INO80: variants seen among roughly 807,000 people sequenced by gnomAD.
INO80 encodes chromatin-remodeling ATPase INO80.
Under a neutral mutation model 203.4 loss-of-function variants are expected in INO80, and 20 were observed. The ratio of observed to expected loss-of-function variants is 0.10; its 90% CI spans 0.07 to 0.14. INO80 has a LOEUF of 0.14. Ranked by LOEUF, INO80 falls within the 10% of genes least tolerant of loss-of-function variation. The pLI, the probability that INO80 is intolerant of heterozygous loss-of-function variation, is 1.00. For synonymous variants in INO80, 726 were observed against 685.2 expected, an observed-to-expected ratio of 1.06 and a Z score of -0.93; for missense variants, 1,419 against 1,914.4, an observed-to-expected ratio of 0.74 and a Z score of 4.83.
At chr15:41,101,599 G>C (rs1327858746) in intron 1 of INO80, among the ~76,000 whole-genome samples, 1 of 151,030 alleles carries the variant, frequency 6.6e-6, no homozygotes, top group African/African-American at 2.4e-5. Context: ...ACCCAGGCTG[G>C]AGTGCAGTGG....
intron 24 of INO80, among the ~76,000 whole-genome samples, chr15:41,031,963 GACAGC>G (rs2044485081): frequency 1.8e-3 from 90 of 49,218 alleles, no homozygotes; most frequent in Middle Eastern, 0.01. Context: ...CACAGCACAG[GACAGC>G]ACAGCACAGC....
intron 4 of INO80, among the ~76,000 whole-genome samples, chr15:41,094,721 T>C (rs1390056625): frequency 6.6e-6 from 1 of 152,204 alleles, no homozygotes; most frequent in African/African-American, 2.4e-5. Flanking sequence ...TGATAAATTT[T>C]TGTACTTCCT....
intron 1 of INO80, among the ~76,000 whole-genome samples, chr15:41,102,711 A>G (rs1271487524): frequency 6.6e-6 from 1 of 152,154 alleles, no homozygotes; most frequent in Non-Finnish European, 1.5e-5. Flanking sequence ...TTGTAATAAA[A>G]AAGGAGAGTT....
chr15:41,101,219 C>A (rs1265659442), intron 1 of INO80, among the ~76,000 whole-genome samples: 3 of 152,106 alleles, frequency 2.0e-5, no homozygotes, highest in African/African-American at 7.2e-5. Context: ...GCTGCAATAA[C>A]CACTTTCATC....
chr15:41,022,874 G>A (rs2044315110), intron 25 of INO80, among the ~76,000 whole-genome samples: 1 of 152,094 alleles, frequency 6.6e-6, no homozygotes, highest in Non-Finnish European at 1.5e-5. Context: ...GGCTGAGGTG[G>A]CAGATCGCCT....
intron 4 of INO80, among the ~76,000 whole-genome samples, chr15:41,093,445 T>C (rs1422855853): frequency 2.0e-5 from 3 of 150,822 alleles, no homozygotes; most frequent in African/African-American, 7.3e-5. Flanking sequence ...AAAAAGAAAA[T>C]GGAGAGTGAC....
Position 41,074,570 on chromosome 15 carries a change from A to G in INO80, c.1132-5T>C. ...TTTTCGCTGTTGCCTCTTGGCCTAAAGAGGGAAAAAAGTGAAAACAGAGCC... is the reference window on the plus strand; with the variant it reads ...TTTTCGCTGTTGCCTCTTGGCCTAAGGAGGGAAAAAAGTGAAAACAGAGCC... On this transcript the variant is annotated splice_polypyrimidine_tract_variant and splice_region_variant and intron_variant, in intron 9 of 35. Coordinates refer to ENST00000648947, the MANE Select transcript of INO80 (RefSeq NM_017553.3). 1 of 1,593,594 alleles carries G rather than the reference A, an allele frequency of 6.3e-7. No individual in the cohort carries two copies. The highest frequency in any genetic ancestry group is 1.1e-5 in the South Asian group (1 of 87,938).
At chr15:41,088,279 G>A (rs1249148404) in intron 5 of INO80, among the ~76,000 whole-genome samples, 3 of 151,734 alleles carry the variant, frequency 2.0e-5, no homozygotes, top group Non-Finnish European at 4.4e-5. Context: ...TAGTAGACAC[G>A]AGGTTTCACC....
chr15:40,995,323 A>G (rs1335703903), intron 29 of INO80, among the ~76,000 whole-genome samples: 3 of 152,228 alleles, frequency 2.0e-5, no homozygotes, highest in Non-Finnish European at 4.4e-5. Flanking sequence ...ACCAGGTGGA[A>G]GAGGAGACTC....
At chr15:40,985,843 G>A (rs946854334) in intron 31 of INO80, among the ~76,000 whole-genome samples, 2 of 152,290 alleles carry the variant, frequency 1.3e-5, no homozygotes, top group South Asian at 2.1e-4. Context: ...AGGAAGTGGA[G>A]GTTGTGGTGA....
intron 5 of INO80, among the ~76,000 whole-genome samples, chr15:41,090,362 G>C (rs986218368): frequency 6.6e-6 from 1 of 152,088 alleles, no homozygotes; most frequent in Non-Finnish European, 1.5e-5. Context: ...GATCACCTGA[G>C]GTCAGGAGTT....
chr15:41,023,783 AC>A (rs68049373), intron 25 of INO80, among the ~76,000 whole-genome samples: 3,418 of 142,588 alleles, frequency 0.024, 439 homozygotes, highest in African/African-American at 0.069. Context: ...AAAAAAAAAA[AC>A]AAAACAAAAC....
intron 19 of INO80, among the ~76,000 whole-genome samples, chr15:41,051,358 C>T (rs577079260): frequency 2.0e-5 from 3 of 151,964 alleles, no homozygotes; most frequent in Non-Finnish European, 4.4e-5. Flanking sequence ...TGAAACCTAG[C>T]TCACATGTCA....
intron 28 of INO80, among the ~76,000 whole-genome samples, chr15:40,998,983 TACACACACACAC>T (rs10650860): frequency 1.1e-4 from 15 of 140,348 alleles, no homozygotes; most frequent in East Asian, 4.2e-4. Flanking sequence ...AAGATTTATC[TACACACACACAC>T]ACACACACAC....
chr15:41,115,748 C>T (rs1052121034), intron 1 of INO80, among the ~76,000 whole-genome samples: 6 of 152,178 alleles, frequency 3.9e-5, no homozygotes, highest in Non-Finnish European at 1.5e-5. Flanking sequence ...ACCGCATGAC[C>T]CCGGGTCTCC....
intron 25 of INO80, among the ~76,000 whole-genome samples, chr15:41,021,354 A>G (rs1368206334): frequency 2.0e-5 from 3 of 152,214 alleles, no homozygotes; most frequent in Non-Finnish European, 4.4e-5. Flanking sequence ...TAAAGATCCA[A>G]AGAGAGCTGG....
chr15:41,106,612 G>A (rs1400176808), intron 1 of INO80, among the ~76,000 whole-genome samples: 5 of 151,912 alleles, frequency 3.3e-5, no homozygotes, highest in African/African-American at 1.2e-4. Context: ...TGGGTGACAG[G>A]GCAAGACCCC....
At chr15:41,017,141 TCTCA>T (rs1387628279) in intron 26 of INO80, 1 of 152,236 alleles carries the variant, frequency 6.6e-6, no homozygotes, top group Non-Finnish European at 1.5e-5. Flanking sequence ...GTGAAGCTCC[TCTCA>T]CTCACTAACT....
At chr15:40,987,051 A>T in intron 31 of INO80, 40 bp downstream of exon 31, 1 of 1,165,336 alleles carries the variant, frequency 8.6e-7, no homozygotes, top group Non-Finnish European at 1.3e-6. Flanking sequence ...TTCCATTCTC[A>T]GATACGTGAG....
Sources: allele counts gnomAD v4.1 joint callset (sites outside exome capture counted in the v4.1 genomes callset), GRCh38; gene constraint gnomAD v4.1.1; transcripts MANE v1.5; gene names NCBI Gene and HGNC (gene_info 2026-07-23, HGNC 2026-07-21).